The following PTPRK variants were observed in gnomAD, a reference collection of about 807,000 sequenced individuals.
PTPRK encodes protein tyrosine phosphatase receptor type K.
Under a neutral mutation model 178.0 loss-of-function variants are expected in PTPRK, and 75 were observed. That is an observed-to-expected ratio of 0.42 (90% confidence interval 0.35 to 0.51). PTPRK has a LOEUF of 0.51. Among genes scored for constraint, PTPRK ranks in the 20% least tolerant of loss-of-function variants. The pLI is 0.02. For missense variants in PTPRK, 1,441 were observed against 1,797.8 expected (o/e 0.80, Z 3.59); for synonymous variants, 637 against 620.6 (o/e 1.03, Z -0.39).
intron 7 of PTPRK, among the ~76,000 whole-genome samples, chr6:128,150,667 C>A (rs988238593): frequency 6.6e-6 from 1 of 152,084 alleles, no homozygotes; most frequent in African/African-American, 2.4e-5. Context: ...ATCTGTTTAT[C>A]CCTTTCCTCC....
chr6:128,027,719 C>T lies in PTPRK; in HGVS notation c.2195-18451G>A, dbSNP rs370372640. Reference sequence around the variant, plus strand: ...AAGCAATTCTCCTACCTCAGCCACCCGAGTAGCTGGGACTACAGGCGTGTG... The same window carrying T: ...AAGCAATTCTCCTACCTCAGCCACCTGAGTAGCTGGGACTACAGGCGTGTG... On this transcript the variant is annotated intron_variant, in intron 13 of 29. Coordinates refer to ENST00000368226, the MANE Select transcript of PTPRK (RefSeq NM_002844.4). 2.6e-5 allele frequency among the ~76,000 whole-genome samples: 4 copies of T among 152,222 alleles called. No homozygotes were observed. In the East Asian group the frequency reaches 5.8e-4, roughly 22 times the overall value.
chr6:128,015,473 A>G lies in PTPRK; in HGVS notation c.2195-6205T>C, dbSNP rs149631890. 3.5e-4 allele frequency among the ~76,000 whole-genome samples: 53 copies of G among 151,674 alleles called. 1 individual carries two copies. In the East Asian group the frequency reaches 8.8e-3, roughly 25 times the overall value. On this transcript the variant is annotated intron_variant, in intron 13 of 29. Transcript: ENST00000368226. ...CACCCCACCTTCGACTGCCTTCAAG[A>G]CCCAATCTTGTTTTTTCACTAGTCC...
At chr6:128,239,918 T>C in intron 5 of PTPRK, 117 bp downstream of exon 5, 1 of 669,712 alleles carries the variant, frequency 1.5e-6, no homozygotes, top group Non-Finnish European at 2.5e-6. Flanking sequence ...TCCCACTACA[T>C]GCGTGTGCAC....
intron 14 of PTPRK, 63 bp from the exon 15 acceptor site, chr6:128,005,307 G>T: frequency 6.6e-7 from 1 of 1,523,960 alleles, no homozygotes; most frequent in Non-Finnish European, 9.0e-7. Flanking sequence ...GTTAACACCA[G>T]CAATAAATAG....
intron 3 of PTPRK, among the ~76,000 whole-genome samples, chr6:128,254,027 G>A (rs145747768): frequency 5.3e-5 from 8 of 152,174 alleles, no homozygotes; most frequent in African/African-American, 1.9e-4. Context: ...TAAACCTCTT[G>A]TAAAAAGAGA....
chr6:128,127,102 T>C (rs1201323598), intron 7 of PTPRK, among the ~76,000 whole-genome samples: 2 of 152,220 alleles, frequency 1.3e-5, no homozygotes, highest in East Asian at 3.9e-4. Flanking sequence ...ACTATATTTG[T>C]ATATGTCTAT....
At chr6:128,379,768 T>C (rs955409454) in intron 2 of PTPRK, among the ~76,000 whole-genome samples, 3 of 152,226 alleles carry the variant, frequency 2.0e-5, no homozygotes, top group Non-Finnish European at 4.4e-5. Context: ...TGTTCCTTTC[T>C]AACACTAGTT....
At chr6:128,040,573 T>A (rs897864755) in intron 13 of PTPRK, among the ~76,000 whole-genome samples, 1 of 152,116 alleles carries the variant, frequency 6.6e-6, no homozygotes, top group Non-Finnish European at 1.5e-5. Context: ...ATTGTTTGAA[T>A]TGAAAATATG....
intron 8 of PTPRK, among the ~76,000 whole-genome samples, chr6:128,086,641 T>G (rs1253546903): frequency 6.6e-6 from 1 of 152,128 alleles, no homozygotes; most frequent in Non-Finnish European, 1.5e-5. Context: ...AATCCATCGA[T>G]CTTTCCAACA....
chr6:128,348,711 T>C (rs1361176897), intron 2 of PTPRK, among the ~76,000 whole-genome samples: 1 of 152,072 alleles, frequency 6.6e-6, no homozygotes, highest in Non-Finnish European at 1.5e-5. Context: ...AGAATTACTT[T>C]TCAGTTACTT....
chr6:128,277,374 C>T (rs1738291), intron 3 of PTPRK, among the ~76,000 whole-genome samples: 6,375 of 152,100 alleles, frequency 0.042, 430 homozygotes, highest in African/African-American at 0.15. Context: ...AGATAAAATA[C>T]GAAACTGTCA....
At chr6:128,105,387 C>A (rs1181105535) in intron 7 of PTPRK, among the ~76,000 whole-genome samples, 2 of 152,184 alleles carry the variant, frequency 1.3e-5, no homozygotes, top group Non-Finnish European at 2.9e-5. Context: ...CCCACCTCAG[C>A]CTCCCAAAGT....
chr6:128,496,458 G>T (rs976658426), intron 1 of PTPRK, among the ~76,000 whole-genome samples: 1 of 152,082 alleles, frequency 6.6e-6, no homozygotes, highest in Admixed American at 6.6e-5. Flanking sequence ...GCAGAATGTT[G>T]TAAATATGGT....
In PTPRK at chr6:127,993,836, T is replaced by C. The variant is rs1434256103; in HGVS notation, c.2845-1127A>G. Among the ~76,000 whole-genome samples, 3 of 151,540 alleles carry C rather than the reference T, an allele frequency of 2.0e-5. No homozygotes were observed. In the East Asian group the frequency reaches 5.8e-4, roughly 29 times the overall value. Reference sequence around the variant, plus strand: ...GGAAAATTATGAAATTGTATAGAAATAGACCAAAATACACTGGGGTCTTAA... The same window carrying C: ...GGAAAATTATGAAATTGTATAGAAACAGACCAAAATACACTGGGGTCTTAA... On this transcript the variant is annotated intron_variant, in intron 18 of 29. Transcript: ENST00000368226.
intron 3 of PTPRK, among the ~76,000 whole-genome samples, chr6:128,260,106 G>C (rs573406927): frequency 2.0e-5 from 3 of 152,180 alleles, no homozygotes; most frequent in African/African-American, 7.2e-5. Flanking sequence ...GCATAATTTA[G>C]AAAATCTTTT....
chr6:128,460,310 A>C (rs907443343), intron 1 of PTPRK, among the ~76,000 whole-genome samples: 4 of 152,066 alleles, frequency 2.6e-5, no homozygotes, highest in African/African-American at 9.7e-5. Context: ...TTGGAAGGTC[A>C]AGGTGGGAGG....
intron 6 of PTPRK, among the ~76,000 whole-genome samples, chr6:128,199,838 G>C (rs979403156): frequency 6.6e-6 from 1 of 152,136 alleles, no homozygotes; most frequent in South Asian, 2.1e-4. Flanking sequence ...CAATGTACCA[G>C]ATCTTTTGAC....
intron 3 of PTPRK, among the ~76,000 whole-genome samples, chr6:128,287,464 T>C (rs768952508): frequency 6.6e-6 from 1 of 152,172 alleles, no homozygotes; most frequent in Non-Finnish European, 1.5e-5. Flanking sequence ...GTGATGATAA[T>C]CCAAAACCTC....
At chr6:128,357,475 A>C (rs531641651) in intron 2 of PTPRK, among the ~76,000 whole-genome samples, 1 of 152,300 alleles carries the variant, frequency 6.6e-6, no homozygotes, top group African/African-American at 2.4e-5. Context: ...CAGGAGCAGG[A>C]GAGAGATATG....
Sources: gnomAD v4.1 joint callset for allele counts (sites outside exome capture counted in the v4.1 genomes callset) on GRCh38, gnomAD v4.1.1 for gene constraint, MANE v1.5 for transcripts, NCBI Gene and HGNC (gene_info 2026-07-23, HGNC 2026-07-21) for gene names.